PASD1: variants seen among roughly 807,000 people sequenced by gnomAD.
PASD1 encodes PAS domain containing repressor 1.
A neutral mutation model predicts 58.8 loss-of-function variants in PASD1; 13 were observed. The ratio of observed to expected loss-of-function variants is 0.22; its 90% confidence interval spans 0.14 to 0.35. PASD1 has a LOEUF of 0.35. Among genes scored for constraint, PASD1 ranks in the 10% least tolerant of loss-of-function variants. The probability of loss-of-function intolerance (pLI) is 1.00; values close to 1 mark genes in which losing one functional copy is unlikely to be tolerated. For missense variants in PASD1, 734 were observed against 568.3 expected, an observed-to-expected ratio of 1.29 and a Z score of -2.96; for synonymous variants, 236 against 216.7, an observed-to-expected ratio of 1.09 and a Z score of -0.78.
chrX:151,605,463 T>A, intron 3 of PASD1, among the ~76,000 whole-genome samples: 1 of 111,793 alleles, frequency 8.9e-6, no homozygotes. Context: ...TTAGTGGTCA[T>A]AAAGGTGTGT....
intron 11 of PASD1, among the ~76,000 whole-genome samples, chrX:151,666,013 A>G (rs1291911360): frequency 9.1e-6 from 1 of 109,734 alleles, no homozygotes; most frequent in Non-Finnish European, 1.9e-5. Flanking sequence ...AAATACATAT[A>G]TAATTTTTAT....
intron 8 of PASD1, among the ~76,000 whole-genome samples, chrX:151,648,224 C>T (rs111227365): frequency 3.0e-4 from 33 of 110,057 alleles, no homozygotes; most frequent in African/African-American, 1.1e-3. Context: ...TAATGAGCCC[C>T]GAGAATGGAG....
At chrX:151,666,762 A>G (rs919594641) in intron 11 of PASD1, among the ~76,000 whole-genome samples, 2 of 102,202 alleles carry the variant, frequency 2.0e-5, no homozygotes, top group Admixed American at 2.2e-4. Flanking sequence ...TATGGGCCAC[A>G]TTTTCTTAAT....
intron 1 of PASD1, among the ~76,000 whole-genome samples, chrX:151,589,727 A>G (rs2013219958): frequency 1.8e-5 from 2 of 112,099 alleles, no homozygotes; most frequent in African/African-American, 6.5e-5. Flanking sequence ...ACTCTTCAAC[A>G]CTGGTGTCCA....
At chrX:151,659,900 T>C (rs2014289505) in intron 10 of PASD1, 64 bp downstream of exon 10, 10 of 1,087,681 alleles carry the variant, frequency 9.2e-6, no homozygotes, top group Non-Finnish European at 1.1e-5. Flanking sequence ...CCAGGGTAGT[T>C]ACAGTTTTTC....
chrX:151,565,048 C>T (rs1244919414), intron 1 of PASD1, among the ~76,000 whole-genome samples: 1 of 112,009 alleles, frequency 8.9e-6, no homozygotes, highest in Non-Finnish European at 1.9e-5. Flanking sequence ...AGGCAGGTGG[C>T]AAAGTCATGC....
chrX:151,564,284 C>T (rs1388275052), intron 1 of PASD1, among the ~76,000 whole-genome samples: 5 of 112,238 alleles, frequency 4.5e-5, no homozygotes, highest in Admixed American at 3.7e-4. Context: ...CAGTCGGGGA[C>T]GGTGTGCTGG....
intron 4 of PASD1, among the ~76,000 whole-genome samples, chrX:151,617,176 G>C (rs1344655972): frequency 9.0e-6 from 1 of 111,395 alleles, no homozygotes; most frequent in African/African-American, 3.3e-5. Flanking sequence ...TAAGTACCTT[G>C]ATCTTTCTAC....
chrX:151,582,972 G>T (rs1199506976), intron 1 of PASD1, among the ~76,000 whole-genome samples: 1 of 112,203 alleles, frequency 8.9e-6, no homozygotes, highest in Non-Finnish European at 1.9e-5. Context: ...GTAATTTGTT[G>T]ATAGGCAAGG....
intron 11 of PASD1, among the ~76,000 whole-genome samples, chrX:151,665,852 G>A (rs1343102521): frequency 9.3e-6 from 1 of 107,608 alleles, no homozygotes; most frequent in Non-Finnish European, 1.9e-5. Context: ...AGAGGGGTGT[G>A]TGTGTGTGTC....
chrX:151,638,793 T>C (rs772695221), intron 8 of PASD1, among the ~76,000 whole-genome samples: 2 of 111,823 alleles, frequency 1.8e-5, no homozygotes, highest in African/African-American at 3.2e-5. Flanking sequence ...ACTTTTTTTT[T>C]CCCAAAAGTT....
intron 1 of PASD1, among the ~76,000 whole-genome samples, chrX:151,576,326 A>G (rs2013005506): frequency 8.9e-6 from 1 of 112,141 alleles, no homozygotes; most frequent in African/African-American, 3.2e-5. Context: ...TTTTAAAATA[A>G]TAACACCTGA....
chrX:151,584,143 G>A (rs1005876676), intron 1 of PASD1, among the ~76,000 whole-genome samples: 16 of 111,392 alleles, frequency 1.4e-4, no homozygotes, highest in African/African-American at 5.2e-4. Context: ...ACTCTCATTG[G>A]GAAGTGAAGG....
intron 8 of PASD1, among the ~76,000 whole-genome samples, chrX:151,635,672 G>A (rs1329713069): frequency 1.8e-5 from 2 of 111,856 alleles, no homozygotes; most frequent in Non-Finnish European, 3.8e-5. Context: ...CTTCTAAATT[G>A]AGTTTAATAG....
intron 7 of PASD1, among the ~76,000 whole-genome samples, chrX:151,625,184 G>C (rs1287112042): frequency 8.9e-6 from 1 of 111,850 alleles, no homozygotes; most frequent in African/African-American, 3.2e-5. Flanking sequence ...CAGCGTGACT[G>C]TGTAGTACAG....
intron 1 of PASD1, among the ~76,000 whole-genome samples, chrX:151,601,003 C>A (rs1281531111): frequency 1.8e-5 from 2 of 112,293 alleles, no homozygotes; most frequent in Non-Finnish European, 3.8e-5. Flanking sequence ...CAGAGGACTT[C>A]AGTGATTTCA....
intron 3 of PASD1, among the ~76,000 whole-genome samples, chrX:151,607,155 A>G (rs1364705770): frequency 3.6e-5 from 4 of 111,774 alleles, no homozygotes; most frequent in African/African-American, 1.3e-4. Context: ...GGACATGTGT[A>G]TGCATCTCTA....
At chrX:151,650,605 C>T (rs751376919) in intron 9 of PASD1, among the ~76,000 whole-genome samples, 1 of 111,495 alleles carries the variant, frequency 9.0e-6, no homozygotes, top group Non-Finnish European at 1.9e-5. Context: ...TATAATATTC[C>T]ATGAAATTGT....
chrX:151,675,892 T>TTCTCAGCA, intron 15 of PASD1, 105 bp from the exon 16 acceptor site: 1 of 884,782 alleles, frequency 1.1e-6, no homozygotes, highest in South Asian at 2.4e-5. Context: ...AAAGAAGTAT[T>TTCTCAGCA]TCTCAGCAGC....
Sources: gnomAD v4.1 joint callset for allele counts (sites outside exome capture counted in the v4.1 genomes callset) on GRCh38, gnomAD v4.1.1 for gene constraint, MANE v1.5 for transcripts, NCBI Gene and HGNC (gene_info 2026-07-23, HGNC 2026-07-21) for gene names.